Variants in RNF220 observed in about 807,000 individuals in gnomAD.
RNF220 encodes the protein ring finger protein 220.
In RNF220, 7 loss-of-function variants were observed where a neutral mutation model predicts 67.1. That is an observed-to-expected ratio of 0.10 (90% confidence interval 0.06 to 0.20). The LOEUF (loss-of-function observed/expected upper bound fraction) is 0.20, where lower values mean the gene tolerates loss of function less well. Ranked by LOEUF, RNF220 falls within the 10% of genes least tolerant of loss-of-function variation. The probability of loss-of-function intolerance (pLI) is 1.00; values close to 1 mark genes in which losing one functional copy is unlikely to be tolerated. For synonymous variants in RNF220, 270 were observed against 283.2 expected, an observed-to-expected ratio of 0.95 and a Z score of 0.47; for missense variants, 565 against 740.3, an observed-to-expected ratio of 0.76 and a Z score of 2.75.
chr1:44,521,564 C>T (rs758860115), intron 2 of RNF220, among the ~76,000 whole-genome samples: 4 of 152,072 alleles, frequency 2.6e-5, no homozygotes, highest in Non-Finnish European at 4.4e-5. Context: ...AGGGTTGGGC[C>T]TCTGTGGGTG....
At chr1:44,503,486 G>A (rs1405673725) in intron 2 of RNF220, among the ~76,000 whole-genome samples, 1 of 152,130 alleles carries the variant, frequency 6.6e-6, no homozygotes, top group African/African-American at 2.4e-5. Flanking sequence ...TAGTGTGCTG[G>A]GAAGACCTCC....
At chr1:44,520,871 C>T (rs1202858410) in intron 2 of RNF220, among the ~76,000 whole-genome samples, 1 of 152,100 alleles carries the variant, frequency 6.6e-6, no homozygotes, top group Non-Finnish European at 1.5e-5. Context: ...TGCTAATAAA[C>T]TGGGATGATC....
chr1:44,426,777 A>G (rs904255636), intron 2 of RNF220, among the ~76,000 whole-genome samples: 1 of 151,994 alleles, frequency 6.6e-6, no homozygotes, highest in Admixed American at 6.6e-5. Flanking sequence ...CTTGTGCGGT[A>G]AACTTCATTG....
intron 2 of RNF220, among the ~76,000 whole-genome samples, chr1:44,424,203 A>C (rs1649516385): frequency 6.6e-6 from 1 of 152,218 alleles, no homozygotes; most frequent in Non-Finnish European, 1.5e-5. Context: ...CAGTAAGGGC[A>C]CTAGGATTTC....
intron 2 of RNF220, among the ~76,000 whole-genome samples, chr1:44,549,443 T>C (rs150670005): frequency 1.7e-3 from 257 of 152,318 alleles, no homozygotes; most frequent in Non-Finnish European, 2.7e-3. Context: ...AAAGGGTGAA[T>C]TCCAAGAGTG....
chr1:44,513,321 C>G (rs1659181059), intron 2 of RNF220, among the ~76,000 whole-genome samples: 1 of 152,204 alleles, frequency 6.6e-6, no homozygotes, highest in Admixed American at 6.5e-5. Flanking sequence ...CGAGCCTGGC[C>G]CATGGGGGCC....
intron 2 of RNF220, among the ~76,000 whole-genome samples, chr1:44,572,131 G>A (rs1249389941): frequency 6.6e-6 from 1 of 152,206 alleles, no homozygotes; most frequent in Admixed American, 6.5e-5. Context: ...ATAATATCCA[G>A]GCTTCTAGTT....
intron 8 of RNF220, among the ~76,000 whole-genome samples, chr1:44,638,045 T>G (rs961683456): frequency 2.0e-5 from 3 of 151,982 alleles, no homozygotes; most frequent in African/African-American, 7.3e-5. Context: ...GGCTCCTCAG[T>G]GGGGGGGCTA....
At chr1:44,411,390 ATGTG>A (rs56204407) in intron 1 of RNF220, among the ~76,000 whole-genome samples, 15 of 151,794 alleles carry the variant, frequency 9.9e-5, no homozygotes, top group Non-Finnish European at 1.8e-4. Flanking sequence ...ATACATGAAG[ATGTG>A]TGTGTGTGTG....
intron 2 of RNF220, among the ~76,000 whole-genome samples, chr1:44,552,943 C>T (rs986283486): frequency 5.9e-5 from 9 of 152,162 alleles, no homozygotes; most frequent in Non-Finnish European, 1.2e-4. Context: ...AATCTCTCAC[C>T]ACGCCCCGCC....
chr1:44,575,119 C>T (rs1214917439), intron 2 of RNF220, among the ~76,000 whole-genome samples: 3 of 152,150 alleles, frequency 2.0e-5, no homozygotes, highest in African/African-American at 4.8e-5. Flanking sequence ...TCCATTAGAA[C>T]TTATTCCTTC....
At chr1:44,445,487 C>T (rs892121689) in intron 2 of RNF220, among the ~76,000 whole-genome samples, 9 of 152,244 alleles carry the variant, frequency 5.9e-5, no homozygotes, top group South Asian at 4.1e-4. Flanking sequence ...TTTCTTACTC[C>T]GGCTCTTGCT....
chr1:44,447,350 A>G (rs1482693037), intron 2 of RNF220, among the ~76,000 whole-genome samples: 4 of 152,216 alleles, frequency 2.6e-5, no homozygotes, highest in Admixed American at 6.5e-5. Context: ...AGGACAATAA[A>G]TAATTACGTA....
intron 2 of RNF220, among the ~76,000 whole-genome samples, chr1:44,513,478 T>TAA (rs150690795): frequency 6.6e-6 from 1 of 151,500 alleles, no homozygotes; most frequent in Non-Finnish European, 1.5e-5. Flanking sequence ...AAGGCCCTTT[T>TAA]AAAAAAAAAC....
chr1:44,603,106 C>G (rs1032738515), intron 2 of RNF220, among the ~76,000 whole-genome samples: 16 of 152,182 alleles, frequency 1.1e-4, no homozygotes, highest in African/African-American at 3.9e-4. Context: ...GGTTTCCCAA[C>G]GCAATTGAAA....
chr1:44,585,470 GT>G (rs1262940097), intron 2 of RNF220, among the ~76,000 whole-genome samples: 1 of 152,166 alleles, frequency 6.6e-6, no homozygotes, highest in East Asian at 1.9e-4. Context: ...CATTCACTCC[GT>G]TAACCATGGC....
At chr1:44,479,501 C>T (rs997580897) in intron 2 of RNF220, among the ~76,000 whole-genome samples, 3 of 151,984 alleles carry the variant, frequency 2.0e-5, no homozygotes, top group Admixed American at 6.6e-5. Context: ...CAGAATCTAC[C>T]GAGACTTAAG....
intron 2 of RNF220, among the ~76,000 whole-genome samples, chr1:44,525,893 C>T (rs908111320): frequency 2.6e-5 from 4 of 152,180 alleles, no homozygotes; most frequent in East Asian, 3.8e-4. Flanking sequence ...TTGTAAGCTG[C>T]GTCTGCTGTC....
Position 44,650,893 on chromosome 1 carries a change from C to A in RNF220, c.*118C>A, listed in dbSNP as rs1253332745. 3.6e-6 allele frequency: 3 copies of A among 828,168 alleles called. No homozygotes were observed. Among genetic ancestry groups the A allele is most frequent in the Non-Finnish European group, 4.1e-6 (2 of 491,538 alleles). The allele number at this position is 828,168 out of a possible 1,614,324, so 51.3% of individuals were successfully genotyped here. ...CAGGTTCCCCATGTACATACATGCA[C>A]ATACTCAAACATGCGTACACACACA... On this transcript the variant is annotated 3_prime_UTR_variant, in exon 15 of 15. Transcript: ENST00000361799. The surrounding 1 kb of genome is among the most constrained non-coding windows in gnomAD (Gnocchi z 4.3).
Sources: allele counts gnomAD v4.1 joint callset (sites outside exome capture counted in the v4.1 genomes callset), GRCh38; gene constraint gnomAD v4.1.1; non-coding constraint Gnocchi (gnomAD v3.1); transcripts MANE v1.5; gene names NCBI Gene and HGNC (gene_info 2026-07-23, HGNC 2026-07-21).